GAS7: variants seen among roughly 807,000 people sequenced by gnomAD.
The protein encoded by GAS7 is growth arrest-specific protein 7.
Under a neutral mutation model 71.1 loss-of-function variants are expected in GAS7, and 28 were observed. That is an observed-to-expected ratio of 0.39 (90% CI 0.29 to 0.54). The LOEUF is 0.54. Ranked by LOEUF, GAS7 falls within the 20% of genes least tolerant of loss-of-function variation. The pLI, the probability that GAS7 is intolerant of heterozygous loss-of-function variation, is 0.62. For missense variants in GAS7, 436 were observed against 627.8 expected, an observed-to-expected ratio of 0.69 and a Z score of 3.27; for synonymous variants, 258 against 245.8, an observed-to-expected ratio of 1.05 and a Z score of -0.46.
At chr17:9,962,489 A>C (rs1296839270) in intron 4 of GAS7, among the ~76,000 whole-genome samples, 1 of 152,228 alleles carries the variant, frequency 6.6e-6, no homozygotes, top group African/African-American at 2.4e-5. Flanking sequence ...AAACAACTTA[A>C]AGGGCTACCA....
intron 1 of GAS7, among the ~76,000 whole-genome samples, chr17:10,143,113 C>T (rs981415786): frequency 6.6e-6 from 1 of 152,022 alleles, no homozygotes; most frequent in Admixed American, 6.6e-5. Context: ...ACCCGGGACT[C>T]GGAGGTTTCA....
intron 1 of GAS7, among the ~76,000 whole-genome samples, chr17:10,123,851 G>A (rs1166064373): frequency 6.6e-6 from 1 of 152,230 alleles, no homozygotes; most frequent in Non-Finnish European, 1.5e-5. Context: ...TCCATCTTGA[G>A]CAGAGCCTGG....
chr17:10,095,789 G>A (rs182765895), intron 1 of GAS7, among the ~76,000 whole-genome samples: 16 of 145,224 alleles, frequency 1.1e-4, no homozygotes, highest in African/African-American at 3.6e-4. Context: ...GTGACAGAGC[G>A]AGACTCCATC....
chr17:9,925,379 A>C (rs1454540094), intron 11 of GAS7, 97 bp downstream of exon 11: 1 of 1,274,322 alleles, frequency 7.8e-7, no homozygotes, highest in Admixed American at 1.8e-5. Context: ...CAGTCTTGCA[A>C]AGGAGAGATG....
At chr17:9,940,770 A>G (rs1017711246) in intron 7 of GAS7, among the ~76,000 whole-genome samples, 1 of 152,210 alleles carries the variant, frequency 6.6e-6, no homozygotes, top group South Asian at 2.1e-4. Context: ...TTCCCTGGAG[A>G]GGAAAGTTGC....
intron 1 of GAS7, among the ~76,000 whole-genome samples, chr17:10,052,296 C>T (rs1014747478): frequency 6.6e-6 from 1 of 152,190 alleles, no homozygotes; most frequent in Non-Finnish European, 1.5e-5. Flanking sequence ...GTTGAAGTTA[C>T]AGTCGAAGCC....
chr17:10,163,172 G>T (rs1442772738), intron 1 of GAS7, among the ~76,000 whole-genome samples: 1 of 152,124 alleles, frequency 6.6e-6, no homozygotes, highest in East Asian at 1.9e-4. Flanking sequence ...CTGCAGTCGC[G>T]TGATCTCGGC....
In GAS7 at chr17:9,959,170, C is replaced by T; in HGVS notation, c.525+32G>A. 6.2e-7 allele frequency: 1 copy of T among 1,609,256 alleles called. No homozygotes were observed. The highest frequency in any genetic ancestry group is 8.5e-7 in the Non-Finnish European group (1 of 1,177,056). ...CAGCCAAATGCCCCAGCTCGCAGCC[C>T]ACCCTGAGGGCGCCCCTCGGGAGCC... On this transcript the variant is annotated intron_variant, in intron 5 of 13. Coordinates refer to ENST00000432992, the MANE Select transcript of GAS7 (RefSeq NM_201433.2). This position sits in a 1 kb window ranked among gnomAD's most constrained non-coding sequence, Gnocchi z 5.0.
At chr17:10,145,533 A>G (rs2074114935) in intron 1 of GAS7, among the ~76,000 whole-genome samples, 1 of 152,216 alleles carries the variant, frequency 6.6e-6, no homozygotes, top group African/African-American at 2.4e-5. Flanking sequence ...CCTGGGCAAC[A>G]TTGAGGATAA....
In GAS7 at chr17:10,053,139, C is replaced by T. The variant is rs570365249; in HGVS notation, c.184-33242G>A. Among the ~76,000 whole-genome samples the T allele has an allele frequency of 9.9e-5, 15 of 152,184 alleles. 1 individual carries two copies. In the South Asian group the frequency reaches 3.1e-3, roughly 32 times the overall value. Reference sequence around the variant, plus strand: ...AAGAAGGCAGAGATGAAAGCACTACCCACACATTTATCTATTTTACCCTAG... The same window carrying T: ...AAGAAGGCAGAGATGAAAGCACTACTCACACATTTATCTATTTTACCCTAG... On this transcript the variant is annotated intron_variant, in intron 1 of 13. Transcript: ENST00000432992.
intron 1 of GAS7, among the ~76,000 whole-genome samples, chr17:10,111,341 G>T (rs1334731510): frequency 2.6e-5 from 1 of 37,794 alleles, no homozygotes; most frequent in Non-Finnish European, 5.9e-5. Context: ...AGACAATGTT[G>T]GATAACACAG....
At chr17:10,067,524 G>A (rs1468612121) in intron 1 of GAS7, among the ~76,000 whole-genome samples, 1 of 152,028 alleles carries the variant, frequency 6.6e-6, no homozygotes, top group Non-Finnish European at 1.5e-5. Flanking sequence ...ACAAGTGCCC[G>A]CCACCACACC....
chr17:10,052,058 G>A (rs2073069248), intron 1 of GAS7, among the ~76,000 whole-genome samples: 1 of 152,092 alleles, frequency 6.6e-6, no homozygotes, highest in African/African-American at 2.4e-5. Context: ...CTTGAACCCA[G>A]TAGTCTGTCT....
At chr17:10,019,742 G>A in intron 2 of GAS7, 35 bp downstream of exon 2, 1 of 1,591,252 alleles carries the variant, frequency 6.3e-7, no homozygotes, top group Non-Finnish European at 8.6e-7. Context: ...AATGCCAGGG[G>A]GTTGGTGCAG....
At chr17:10,163,039 G>A (rs1229520116) in intron 1 of GAS7, among the ~76,000 whole-genome samples, 2 of 151,950 alleles carry the variant, frequency 1.3e-5, no homozygotes, top group African/African-American at 4.8e-5. Flanking sequence ...AATGTAAAAA[G>A]GACAACAAAA....
intron 1 of GAS7, among the ~76,000 whole-genome samples, chr17:10,176,565 T>A (rs2074375468): frequency 6.6e-6 from 1 of 152,144 alleles, no homozygotes. Flanking sequence ...AGATCTTACA[T>A]GAACATTGCA....
intron 1 of GAS7, among the ~76,000 whole-genome samples, chr17:10,116,314 C>CA (rs55877232): frequency 2.2e-4 from 33 of 147,708 alleles, no homozygotes; most frequent in Middle Eastern, 3.5e-3. Context: ...ACTCTTGCCT[C>CA]AAAAAAAAAA....
intron 1 of GAS7, among the ~76,000 whole-genome samples, chr17:10,067,035 G>A (rs2073288667): frequency 6.6e-6 from 1 of 152,128 alleles, no homozygotes; most frequent in South Asian, 2.1e-4. Context: ...TGTACACAAA[G>A]CATTAAAAAT....
intron 2 of GAS7, among the ~76,000 whole-genome samples, chr17:10,012,543 T>G (rs2071816705): frequency 6.6e-6 from 1 of 152,160 alleles, no homozygotes; most frequent in East Asian, 1.9e-4. Flanking sequence ...CCACCTCGGC[T>G]TCCCAAAGTG....
Sources: allele counts gnomAD v4.1 joint callset (sites outside exome capture counted in the v4.1 genomes callset), GRCh38; gene constraint gnomAD v4.1.1; non-coding constraint Gnocchi (gnomAD v3.1); transcripts MANE v1.5; gene names NCBI Gene and HGNC (gene_info 2026-07-23, HGNC 2026-07-21).